Variants in FAM193A observed in about 807,000 individuals in gnomAD.
FAM193A encodes the protein protein FAM193A.
A neutral mutation model predicts 126.5 loss-of-function variants in FAM193A; 22 were observed. The observed-to-expected ratio is 0.17, with a 90% confidence interval of 0.12 to 0.25. The LOEUF is 0.25. Among genes scored for constraint, FAM193A ranks in the 10% least tolerant of loss-of-function variants. FAM193A has a pLI of 1.00. For synonymous variants in FAM193A, 761 were observed against 646.8 expected (o/e 1.18, Z -2.68); for missense variants, 1,675 against 1,672.8 (o/e 1.00, Z -0.02).
intron 1 of FAM193A, among the ~76,000 whole-genome samples, chr4:2,549,291 T>C (rs947266960): frequency 6.6e-6 from 1 of 151,890 alleles, no homozygotes; most frequent in Non-Finnish European, 1.5e-5. Context: ...AAGTTCAGTT[T>C]ATCAATTTTT....
intron 1 of FAM193A, among the ~76,000 whole-genome samples, chr4:2,560,793 C>CCTTCCT (rs1254347267): frequency 6.6e-6 from 1 of 151,938 alleles, no homozygotes; most frequent in African/African-American, 2.4e-5. Context: ...GTCTTTCTTC[C>CCTTCCT]CTTCCTCTTC....
chr4:2,627,792 G>A (rs1743126087), intron 4 of FAM193A, among the ~76,000 whole-genome samples: 2 of 150,640 alleles, frequency 1.3e-5, no homozygotes, highest in Admixed American at 6.6e-5. Context: ...GCCCAGGCTG[G>A]AGTGCAGTGG....
chr4:2,666,256 C>T (rs1043379132), intron 12 of FAM193A, among the ~76,000 whole-genome samples: 3 of 152,112 alleles, frequency 2.0e-5, no homozygotes, highest in African/African-American at 7.2e-5. Flanking sequence ...GTCTTTTCTG[C>T]ATGTGTTGCG....
At chr4:2,548,314 G>A (rs904182596) in intron 1 of FAM193A, among the ~76,000 whole-genome samples, 1 of 151,454 alleles carries the variant, frequency 6.6e-6, no homozygotes, top group African/African-American at 2.4e-5. Flanking sequence ...CAGATTATCC[G>A]CCCGCCTCGG....
rs765726995 is a variant in FAM193A, at chr4:2,646,682, T to C, written c.1164-3T>C. The C allele has an allele frequency of 3.1e-6, 5 of 1,601,076 alleles. No homozygotes were observed. The South Asian group carries it at 5.6e-5, about 18-fold the overall frequency. On this transcript the variant is annotated splice_polypyrimidine_tract_variant and splice_region_variant and intron_variant, in intron 6 of 20. Transcript: ENST00000637812. ...CTTTGTTACAAGGCCTTCTCTCTCC[T>C]AGGCTAGGAACCACCACACACGACA...
intron 19 of FAM193A, among the ~76,000 whole-genome samples, chr4:2,712,377 T>C (rs575118412): frequency 6.6e-6 from 1 of 152,338 alleles, no homozygotes; most frequent in South Asian, 2.1e-4. Context: ...TTCCGTGTTG[T>C]TTGGTGCACA....
chr4:2,691,809 T>C (rs1716416869), intron 15 of FAM193A, among the ~76,000 whole-genome samples: 1 of 151,536 alleles, frequency 6.6e-6, no homozygotes, highest in Non-Finnish European at 1.5e-5. Context: ...ACAGGAAGTT[T>C]GACTATAGCA....
At chr4:2,620,540 T>G (rs1407401132) in intron 2 of FAM193A, among the ~76,000 whole-genome samples, 1 of 151,986 alleles carries the variant, frequency 6.6e-6, no homozygotes, top group Non-Finnish European at 1.5e-5. Flanking sequence ...ACAAACACAT[T>G]TTTAACATAA....
chr4:2,599,931 C>T lies in FAM193A; in HGVS notation c.501+3602C>T, dbSNP rs1741098242. On this transcript the variant is annotated intron_variant, in intron 2 of 20. Transcript: ENST00000637812. ...TTTTTTTTTTTTAGAGACACAGTCT[C>T]GCTCTGTCACCAGGCTGGAATGCAG... Among the ~76,000 whole-genome samples the T allele has an allele frequency of 4.7e-5, 7 of 150,172 alleles. No individual in the cohort carries two copies. In the South Asian group the frequency reaches 1.3e-3, roughly 27 times the overall value.
intron 19 of FAM193A, among the ~76,000 whole-genome samples, chr4:2,700,933 C>T (rs1322390438): frequency 6.6e-6 from 1 of 152,068 alleles, no homozygotes; most frequent in East Asian, 1.9e-4. Flanking sequence ...CCGTTGCACT[C>T]CAGCGTGGGT....
intron 1 of FAM193A, among the ~76,000 whole-genome samples, chr4:2,594,045 G>A (rs1163061921): frequency 6.6e-6 from 1 of 152,172 alleles, no homozygotes; most frequent in Non-Finnish European, 1.5e-5. Flanking sequence ...GATGGCTGCT[G>A]AGCTGGGTTT....
At chr4:2,656,381 G>A (rs1174862844) in intron 7 of FAM193A, among the ~76,000 whole-genome samples, 1 of 152,050 alleles carries the variant, frequency 6.6e-6, no homozygotes, top group African/African-American at 2.4e-5. Context: ...CTTCTCCCTC[G>A]AGTCAGTTTT....
At chr4:2,666,546 G>GT (rs1359617690) in intron 12 of FAM193A, among the ~76,000 whole-genome samples, 1 of 152,042 alleles carries the variant, frequency 6.6e-6, no homozygotes, top group Admixed American at 6.5e-5. Flanking sequence ...GTTAGGAAAT[G>GT]TTTTTTTCAC....
intron 1 of FAM193A, among the ~76,000 whole-genome samples, chr4:2,580,526 G>A (rs1290717412): frequency 2.0e-5 from 3 of 152,056 alleles, no homozygotes; most frequent in Non-Finnish European, 4.4e-5. Flanking sequence ...TTGGAGCTAG[G>A]GTCTGCTGGG....
At chr4:2,570,787 C>CG (rs1234344447) in intron 1 of FAM193A, among the ~76,000 whole-genome samples, 1 of 152,074 alleles carries the variant, frequency 6.6e-6, no homozygotes, top group Non-Finnish European at 1.5e-5. Context: ...CCCCACTCCC[C>CG]GGCCTGGGAG....
intron 15 of FAM193A, among the ~76,000 whole-genome samples, chr4:2,693,376 T>C (rs974168603): frequency 9.2e-5 from 14 of 152,210 alleles, no homozygotes; most frequent in African/African-American, 3.4e-4. Context: ...TACCGAAGTG[T>C]TCAGAGGTGA....
chr4:2,607,903 CTGTT>C lies in FAM193A; in HGVS notation c.501+11576_501+11579del. 3.0e-6 allele frequency: 3 copies of C among 1,004,364 alleles called. No homozygotes were observed. In the East Asian group the frequency reaches 8.6e-5, roughly 29 times the overall value. The allele number at this position is 1,004,364 out of a possible 1,614,324, so 62.2% of individuals were successfully genotyped here. A position where few individuals can be genotyped will look rare whatever the true frequency, so the allele number is the denominator to read the frequency against. ...CAGATATTGCCTGTTTCTTTTTTGT[CTGTT>C]TTTCACTATGTGATGGTGTCGCTTT... On this transcript the variant is annotated intron_variant, in intron 2 of 20. Coordinates refer to ENST00000637812, the MANE Select transcript of FAM193A (RefSeq NM_001366318.2).
rs749271281 is a variant in FAM193A, at chr4:2,663,264, A to G, written c.2055A>G (p.Pro685=). 6.2e-7 allele frequency: 1 copy of G among 1,600,214 alleles called. No individual in the cohort carries two copies. The highest frequency in any genetic ancestry group is 1.1e-5 in the South Asian group (1 of 88,654). ...CAGAGGAGAGCAAAGCAGACAGTCC[A>G]CCCCCATCCTACCCAACACAGCAGG... The part of the protein sequence containing the change: ...PRTEESKADS[P]PPSYPTQQAE... Residue 685 remains proline (P), a synonymous_variant, in exon 12 of 21, where the codon CCA becomes CCG. Coordinates refer to ENST00000637812, the MANE Select transcript of FAM193A (RefSeq NM_001366318.2).
At chr4:2,593,374 C>T (rs533190756) in intron 1 of FAM193A, among the ~76,000 whole-genome samples, 1 of 152,204 alleles carries the variant, frequency 6.6e-6, no homozygotes, top group African/African-American at 2.4e-5. Context: ...CTTGTCAGCC[C>T]CATGCCAGCC....
Sources: gnomAD v4.1 joint callset for allele counts (sites outside exome capture counted in the v4.1 genomes callset) on GRCh38, gnomAD v4.1.1 for gene constraint, MANE v1.5 for transcripts, NCBI Gene and HGNC (gene_info 2026-07-23, HGNC 2026-07-21) for gene names.